Variants in MYT1L observed in about 807,000 individuals in gnomAD.
MYT1L encodes the protein myelin transcription factor 1-like protein.
MYT1L carries 12 observed loss-of-function variants against 126.7 expected under a neutral mutation model. That is an observed-to-expected ratio of 0.09 (90% CI 0.06 to 0.15). The LOEUF is 0.15. MYT1L is among the 10% of genes least tolerant of loss of function. The pLI, the probability that MYT1L is intolerant of heterozygous loss-of-function variation, is 1.00. For missense variants in MYT1L, 979 were observed against 1,585.2 expected (o/e 0.62, Z 6.49); for synonymous variants, 541 against 604.2 (o/e 0.90, Z 1.53).
intron 2 of MYT1L, among the ~76,000 whole-genome samples, chr2:2,177,671 G>A (rs1344351917): frequency 6.6e-6 from 1 of 152,198 alleles, no homozygotes; most frequent in African/African-American, 2.4e-5. Flanking sequence ...AGGTGAAAGA[G>A]AGAATTTGAG....
intron 13 of MYT1L, 36 bp from the exon 14 acceptor site, chr2:1,903,330 T>C (rs1441502856): frequency 6.5e-7 from 1 of 1,548,846 alleles, no homozygotes; most frequent in Non-Finnish European, 8.8e-7. Flanking sequence ...ACAGCTTGCT[T>C]TCCTGTGGCT....
Position 1,889,570 on chromosome 2 carries a change from G to C in MYT1L, c.2284-93C>G. The C allele has an allele frequency of 1.9e-6, 2 of 1,042,522 alleles. No individual in the cohort carries two copies. The highest frequency in any genetic ancestry group is 3.3e-5 in the South Asian group (2 of 61,334). The allele number at this position is 1,042,522 out of a possible 1,614,324, so 64.6% of individuals were successfully genotyped here. On this transcript the variant is annotated intron_variant, in intron 15 of 24. Transcript: ENST00000647738. This position sits in a 1 kb window ranked among gnomAD's most constrained non-coding sequence, Gnocchi z 4.1. ...CAGATTACAGTCCTGCCGTCAGCCA[G>C]TGTAGCGTTCAACACAGAATCCCTC...
chr2:2,090,056 C>T (rs1468525092), intron 3 of MYT1L, among the ~76,000 whole-genome samples: 1 of 152,166 alleles, frequency 6.6e-6, no homozygotes, highest in African/African-American at 2.4e-5. Flanking sequence ...CTGCAGGTAT[C>T]ATACACAGTC....
intron 2 of MYT1L, among the ~76,000 whole-genome samples, chr2:2,213,030 G>T (rs911806236): frequency 1.3e-5 from 2 of 152,054 alleles, no homozygotes; most frequent in Non-Finnish European, 2.9e-5. Context: ...CAGAGACTTT[G>T]GGATGGAAGA....
intron 4 of MYT1L, among the ~76,000 whole-genome samples, chr2:2,048,382 C>T (rs1247210809): frequency 6.6e-6 from 1 of 152,188 alleles, no homozygotes; most frequent in Admixed American, 6.5e-5. Context: ...TTTCCTACTT[C>T]TGTTCCAAGG....
chr2:1,798,350 C>CT (rs781444938), intron 23 of MYT1L, among the ~76,000 whole-genome samples: 3 of 152,168 alleles, frequency 2.0e-5, no homozygotes, highest in Admixed American at 6.5e-5. Flanking sequence ...TGGATTTGTT[C>CT]TTTATCAGAT....
rs532344729 is a variant in MYT1L, at chr2:2,089,994, T to A, written c.-303-35871A>T. On this transcript the variant is annotated intron_variant, in intron 3 of 24. Coordinates refer to ENST00000647738, the MANE Select transcript of MYT1L (RefSeq NM_001303052.2). ...CAAACATTAAATGAGACAGGTGGGA[T>A]AGTCTGAGTTAGAATCTATGTTGAG... Among the ~76,000 whole-genome samples the A allele has an allele frequency of 8.5e-5, 13 of 152,274 alleles. No homozygotes were observed. In the South Asian group the frequency reaches 2.7e-3, roughly 32 times the overall value.
intron 2 of MYT1L, among the ~76,000 whole-genome samples, chr2:2,238,456 T>C (rs1335128817): frequency 6.6e-6 from 1 of 152,132 alleles, no homozygotes; most frequent in Non-Finnish European, 1.5e-5. Context: ...CTTCAGTAAA[T>C]ATGCAGTTGG....
chr2:2,246,080 C>G lies in MYT1L; in HGVS notation c.-421+38324G>C, dbSNP rs185353836. The stretch of plus-strand genomic sequence containing the variant: ...CCACTGTGTTTGTGGGAATTTGTTG[C>G]AACTGCCAATAGGAAACTAATACAG... On this transcript the variant is annotated intron_variant, in intron 2 of 24. Coordinates refer to ENST00000647738, the MANE Select transcript of MYT1L (RefSeq NM_001303052.2). Among the ~76,000 whole-genome samples the G allele has an allele frequency of 2.0e-5, 3 of 152,284 alleles. No individual in the cohort carries two copies. In the East Asian group the frequency reaches 5.8e-4, roughly 29 times the overall value.
intron 4 of MYT1L, among the ~76,000 whole-genome samples, chr2:2,029,505 C>T (rs1480206622): frequency 6.6e-6 from 1 of 152,188 alleles, no homozygotes; most frequent in Non-Finnish European, 1.5e-5. Context: ...ATGGGGGAAA[C>T]CACTCCCATG....
intron 4 of MYT1L, among the ~76,000 whole-genome samples, chr2:2,050,004 G>C (rs1172509129): frequency 6.6e-6 from 1 of 151,856 alleles, no homozygotes; most frequent in Non-Finnish European, 1.5e-5. Context: ...ACTTCATAGG[G>C]GGTTTTTTGA....
At chr2:2,223,091 A>T (rs540149169) in intron 2 of MYT1L, among the ~76,000 whole-genome samples, 1 of 152,336 alleles carries the variant, frequency 6.6e-6, no homozygotes, top group South Asian at 2.1e-4. Flanking sequence ...CTCAGCTTCT[A>T]ACAGCAAGTG....
intron 3 of MYT1L, among the ~76,000 whole-genome samples, chr2:2,151,781 G>T (rs759791077): frequency 6.6e-6 from 1 of 152,166 alleles, no homozygotes. Context: ...ATAGGCCGGG[G>T]GCAGTGGCTC....
Position 2,234,003 on chromosome 2 carries a change from A to T in MYT1L, c.-421+50401T>A, listed in dbSNP as rs189744274. On this transcript the variant is annotated intron_variant, in intron 2 of 24. Transcript: ENST00000647738. Reference sequence around the variant, plus strand: ...TAACCAGGCTTGTAGCTCTTAGATAAGTCCATGCTTGTTTTGTATAATAAA... The same window carrying T: ...TAACCAGGCTTGTAGCTCTTAGATATGTCCATGCTTGTTTTGTATAATAAA... Among the ~76,000 whole-genome samples, 44 of 152,340 alleles carry T rather than the reference A, an allele frequency of 2.9e-4. 1 individual carries two copies. The highest frequency in any genetic ancestry group is 8.9e-4 in the African/African-American group (37 of 41,574).
rs1295120442 is a variant in MYT1L at position 1,792,459 on chromosome 2, G to A, written c.3282C>T (p.Thr1094=). ...TGGTCTTCAGGTTGCTCTCCATCGT[G>A]GTAATCTGAAACGCACAAGTGTGCG... ...ADMIKLRTQI[T]TMESNLKTIE... is the part of the protein sequence containing the mutation. Residue 1094 remains threonine, a synonymous_variant, in exon 24 of 25, where the codon ACC becomes ACT. Transcript: ENST00000647738. 2.5e-6 allele frequency: 4 copies of A among 1,613,250 alleles called. No individual in the cohort carries two copies. The African/African-American group carries it at 4.0e-5, about 16-fold the overall frequency.
intron 18 of MYT1L, among the ~76,000 whole-genome samples, chr2:1,867,378 C>T (rs1391006249): frequency 6.6e-6 from 1 of 152,152 alleles, no homozygotes; most frequent in Non-Finnish European, 1.5e-5. Context: ...CCCCGGTGCC[C>T]CACAGCGCCC....
chr2:1,928,669 GT>G (rs373620284), intron 9 of MYT1L, among the ~76,000 whole-genome samples: 1 of 151,572 alleles, frequency 6.6e-6, no homozygotes, highest in Admixed American at 6.6e-5. Flanking sequence ...TATCTTCCGA[GT>G]TTTTTTTTCT....
intron 4 of MYT1L, among the ~76,000 whole-genome samples, chr2:2,039,395 C>T (rs537234557): frequency 1.3e-5 from 2 of 150,092 alleles, no homozygotes; most frequent in South Asian, 4.2e-4. Context: ...AGAATGAGAC[C>T]CACTTTCAAA....
intron 2 of MYT1L, among the ~76,000 whole-genome samples, chr2:2,276,106 G>A (rs1277841732): frequency 2.0e-5 from 3 of 152,214 alleles, no homozygotes; most frequent in East Asian, 3.8e-4. Context: ...ATACAGTGGT[G>A]TATGGGTAAT....
Sources: allele counts gnomAD v4.1 joint callset (sites outside exome capture counted in the v4.1 genomes callset), GRCh38; gene constraint gnomAD v4.1.1; non-coding constraint Gnocchi (gnomAD v3.1); transcripts MANE v1.5; gene names NCBI Gene and HGNC (gene_info 2026-07-23, HGNC 2026-07-21).